Variants in HSPA12A observed in about 807,000 individuals in gnomAD.
HSPA12A encodes the protein heat shock 70 kDa protein 12A.
Under a neutral mutation model 69.2 loss-of-function variants are expected in HSPA12A, and 28 were observed. That is an observed-to-expected ratio of 0.40 (90% confidence interval 0.30 to 0.55). The LOEUF (loss-of-function observed/expected upper bound fraction) is 0.55, where lower values mean the gene tolerates loss of function less well. HSPA12A is among the 20% of genes least tolerant of loss of function. HSPA12A has a pLI of 0.38. For synonymous variants in HSPA12A, 345 were observed against 370.5 expected (o/e 0.93, Z 0.79); for missense variants, 686 against 900.7 (o/e 0.76, Z 3.05).
chr10:116,797,093 G>T (rs1844843910), intron 2 of HSPA12A, among the ~76,000 whole-genome samples: 1 of 152,174 alleles, frequency 6.6e-6, no homozygotes, highest in Non-Finnish European at 1.5e-5. Context: ...CTGGCTGAGA[G>T]CACGCACTTG....
chr10:116,771,448 G>A (rs909490902), intron 2 of HSPA12A, among the ~76,000 whole-genome samples: 3 of 152,346 alleles, frequency 2.0e-5, no homozygotes, highest in African/African-American at 7.2e-5. Flanking sequence ...ACCCTCCTCC[G>A]GGAGCTGAAA....
intron 2 of HSPA12A, among the ~76,000 whole-genome samples, chr10:116,773,203 G>A (rs943421573): frequency 2.6e-5 from 4 of 152,238 alleles, no homozygotes; most frequent in African/African-American, 9.6e-5. Context: ...AGGCCCAGGT[G>A]GGCCCAGGCA....
At chr10:116,770,546 G>A (rs944580331) in intron 2 of HSPA12A, among the ~76,000 whole-genome samples, 1 of 152,318 alleles carries the variant, frequency 6.6e-6, no homozygotes, top group Admixed American at 6.5e-5. Flanking sequence ...GGGGCGGCAG[G>A]AAATGGACCC....
At chr10:116,834,619 G>A (rs1215317399) in intron 2 of HSPA12A, among the ~76,000 whole-genome samples, 1 of 152,176 alleles carries the variant, frequency 6.6e-6, no homozygotes, top group African/African-American at 2.4e-5. Context: ...GCACGAGGCC[G>A]GTAGGCTACC....
At chr10:116,836,138 C>G (rs1050456499) in intron 1 of HSPA12A, among the ~76,000 whole-genome samples, 3 of 152,090 alleles carry the variant, frequency 2.0e-5, no homozygotes, top group Non-Finnish European at 4.4e-5. Context: ...CTGTTTTTGA[C>G]CCCTTTTCCC....
At chr10:116,767,320 G>A (rs1385357613) in intron 2 of HSPA12A, among the ~76,000 whole-genome samples, 2 of 152,182 alleles carry the variant, frequency 1.3e-5, no homozygotes, top group Admixed American at 6.5e-5. Flanking sequence ...CCTTGGCTCA[G>A]GCACTGTGTT....
intron 1 of HSPA12A, among the ~76,000 whole-genome samples, chr10:116,713,095 A>C (rs1177240535): frequency 2.1e-5 from 3 of 142,874 alleles, no homozygotes; most frequent in Non-Finnish European, 4.6e-5. Context: ...AAAAAAAAAA[A>C]CCTCTCTCTC....
upstream of HSPA12A, among the ~76,000 whole-genome samples, chr10:116,745,866 C>T (rs1010790520): frequency 6.6e-6 from 1 of 152,104 alleles, no homozygotes; most frequent in Admixed American, 6.5e-5. Context: ...GTATTGTTAA[C>T]CCCATTGTAC....
chr10:116,689,638 C>CAGAT (rs1190501286), intron 6 of HSPA12A, among the ~76,000 whole-genome samples: 2 of 130,134 alleles, frequency 1.5e-5, no homozygotes, highest in Non-Finnish European at 3.3e-5. Flanking sequence ...GACAGACAGA[C>CAGAT]AGATAGATAA....
At chr10:116,708,601 C>G (rs535059378) in intron 1 of HSPA12A, among the ~76,000 whole-genome samples, 8 of 152,212 alleles carry the variant, frequency 5.3e-5, no homozygotes, top group African/African-American at 1.9e-4. Context: ...CAAATCTGCA[C>G]AGCCACCTCC....
intron 1 of HSPA12A, among the ~76,000 whole-genome samples, chr10:116,844,676 G>A (rs1259855813): frequency 5.3e-5 from 8 of 152,136 alleles, no homozygotes; most frequent in Admixed American, 6.5e-5. Flanking sequence ...AAAGGGACCT[G>A]CAGTCATGTT....
chr10:116,675,960 C>T lies in HSPA12A; in HGVS notation c.1390+439G>A, dbSNP rs1046590493. ...ACTTCCTTTGATTCACACAACAGTTCCTTCTCCCCTAGCAGGGTGAGGATG... is the reference window on the plus strand; with the variant it reads ...ACTTCCTTTGATTCACACAACAGTTTCTTCTCCCCTAGCAGGGTGAGGATG... On this transcript the variant is annotated intron_variant, in intron 11 of 11. Transcript: ENST00000369209. The surrounding 1 kb of genome is among the most constrained non-coding windows in gnomAD (Gnocchi z 5.2). Among the ~76,000 whole-genome samples, 1 of 152,186 alleles carries T rather than the reference C, an allele frequency of 6.6e-6. No individual in the cohort carries two copies. Among genetic ancestry groups the T allele is most frequent in the South Asian group, 2.1e-4 (1 of 4,828 alleles).
upstream of HSPA12A, chr10:116,849,844 C>A: frequency 1.6e-6 from 2 of 1,249,346 alleles, no homozygotes; most frequent in South Asian, 1.4e-5. Context: ...GCCAGCCGCC[C>A]GGGCCCTGGG....
At position 116,702,483 on chromosome 10, in the gene HSPA12A, G is replaced by A. The variant is rs185950151; in HGVS notation, c.255-1354C>T. On this transcript the variant is annotated intron_variant, in intron 3 of 11. Coordinates refer to ENST00000369209, the MANE Select transcript of HSPA12A (RefSeq NM_025015.3). ...TCCAGATGGAGCTCCGGCCTCCACT[G>A]ATATTTGCTGCTCAAATGGGTCTGG... Among the ~76,000 whole-genome samples, 5 of 152,294 alleles carry A rather than the reference G, an allele frequency of 3.3e-5. No homozygotes were observed. The East Asian group carries it at 9.7e-4, about 29-fold the overall frequency.
chr10:116,710,971 A>G lies in HSPA12A; in HGVS notation c.41-3686T>C, dbSNP rs1323896458. 1.3e-5 allele frequency among the ~76,000 whole-genome samples: 2 copies of G among 152,202 alleles called. No homozygotes were observed. The highest frequency in any genetic ancestry group is 2.9e-5 in the Non-Finnish European group (2 of 68,042). Reference sequence around the variant, plus strand: ...GAGTTTAATTCTGATGTGTCCCAACAAGGCTTGAGATCTTTCATTCAGTAG... The same window carrying G: ...GAGTTTAATTCTGATGTGTCCCAACGAGGCTTGAGATCTTTCATTCAGTAG... On this transcript the variant is annotated intron_variant, in intron 1 of 11. Transcript: ENST00000369209. The surrounding 1 kb of genome is among the most constrained non-coding windows in gnomAD (Gnocchi z 4.1).
chr10:116,776,360 A>G (rs11197817), intron 2 of HSPA12A, among the ~76,000 whole-genome samples: 38,938 of 152,152 alleles, frequency 0.26, 5,389 homozygotes, highest in South Asian at 0.38. Context: ...GGCAAAGCAT[A>G]GTGCTTTCTC....
chr10:116,704,143 G>C (rs200798020), intron 3 of HSPA12A, among the ~76,000 whole-genome samples: 2 of 152,162 alleles, frequency 1.3e-5, no homozygotes, highest in African/African-American at 4.8e-5. Flanking sequence ...TCATGCTGCT[G>C]TAAAGACACA....
intron 1 of HSPA12A, among the ~76,000 whole-genome samples, chr10:116,716,029 A>G (rs945543779): frequency 6.6e-6 from 1 of 152,104 alleles, no homozygotes; most frequent in Non-Finnish European, 1.5e-5. Flanking sequence ...TCCAGCCACC[A>G]GCTGAGCAGC....
At chr10:116,794,869 T>C (rs1001890405) in intron 2 of HSPA12A, among the ~76,000 whole-genome samples, 2 of 152,150 alleles carry the variant, frequency 1.3e-5, no homozygotes, top group Non-Finnish European at 2.9e-5. Context: ...AATTAAGAAA[T>C]ACATTTTTAA....
Sources: gnomAD v4.1 joint callset for allele counts (sites outside exome capture counted in the v4.1 genomes callset) on GRCh38, gnomAD v4.1.1 for gene constraint, Gnocchi (gnomAD v3.1) non-coding constraint, MANE v1.5 for transcripts, NCBI Gene and HGNC (gene_info 2026-07-23, HGNC 2026-07-21) for gene names.